Variants in MLLT10 observed in about 807,000 individuals in gnomAD.
MLLT10 encodes the protein MLLT10 histone lysine methyltransferase DOT1L cofactor, also known as protein AF-10.
In MLLT10, 30 loss-of-function variants were observed where a neutral mutation model predicts 129.1. That is an observed-to-expected ratio of 0.23 (90% CI 0.17 to 0.32). MLLT10 has a LOEUF of 0.32. Ranked by LOEUF, MLLT10 falls within the 10% of genes least tolerant of loss-of-function variation. The pLI is 1.00. For synonymous variants in MLLT10, 490 were observed against 446.4 expected (o/e 1.10, Z -1.23); for missense variants, 1,119 against 1,268.3 (o/e 0.88, Z 1.79).
intron 8 of MLLT10, among the ~76,000 whole-genome samples, chr10:21,639,984 G>A (rs2047827129): frequency 6.6e-6 from 1 of 151,596 alleles, no homozygotes; most frequent in South Asian, 2.1e-4. Flanking sequence ...TTATAACAAA[G>A]GACTGTCATT....
intron 22 of MLLT10, 148 bp from the exon 23 acceptor site, chr10:21,741,791 A>G (rs1833681254): frequency 7.3e-6 from 5 of 688,136 alleles, no homozygotes; most frequent in Middle Eastern, 3.8e-4. Context: ...TCATGTCTAT[A>G]TATTACGTTG....
intron 5 of MLLT10, among the ~76,000 whole-genome samples, chr10:21,596,858 G>A (rs1263924588): frequency 1.3e-5 from 2 of 151,902 alleles, no homozygotes; most frequent in East Asian, 1.9e-4. Flanking sequence ...TTAACATTTG[G>A]TTTTTAATTT....
chr10:21,699,614 C>G (rs905308693), intron 13 of MLLT10, among the ~76,000 whole-genome samples: 1 of 151,892 alleles, frequency 6.6e-6, no homozygotes, highest in African/African-American at 2.4e-5. Flanking sequence ...TTTCCCAGCA[C>G]CATTTTTTGA....
chr10:21,711,933 C>T lies in MLLT10; in HGVS notation c.1700-1839C>T, dbSNP rs114165670. On this transcript the variant is annotated intron_variant, in intron 13 of 22. Transcript: ENST00000307729. Reference sequence around the variant, plus strand: ...AACTGTTTGTAATGCCTTTTTTCTACGCAACTTCTTGAAGGCAAAGACTAC... The same window carrying T: ...AACTGTTTGTAATGCCTTTTTTCTATGCAACTTCTTGAAGGCAAAGACTAC... Among the ~76,000 whole-genome samples, 1,368 of 152,204 alleles carry T rather than the reference C, an allele frequency of 9.0e-3. 18 individuals carry two copies. Among genetic ancestry groups the T allele is most frequent in the African/African-American group, 0.031 (1,306 of 41,516 alleles).
At chr10:21,733,667 T>C in intron 19 of MLLT10, 75 bp downstream of exon 19, 1 of 1,472,324 alleles carries the variant, frequency 6.8e-7, no homozygotes, top group Non-Finnish European at 9.0e-7. Flanking sequence ...TTTAAAATTA[T>C]TTTAAACAGT....
At chr10:21,626,289 G>T in intron 8 of MLLT10, 1 of 1,325,134 alleles carries the variant, frequency 7.5e-7, no homozygotes, top group Non-Finnish European at 1.1e-6. Flanking sequence ...ATCAATCCAG[G>T]GCAGAGCAGG....
chr10:21,570,212 TTGTGTGTG>T (rs528760884), intron 3 of MLLT10, among the ~76,000 whole-genome samples: 231 of 147,938 alleles, frequency 1.6e-3, no homozygotes, highest in Middle Eastern at 3.5e-3. Flanking sequence ...CCAGGCCAAT[TTGTGTGTG>T]TGTGTGTGTG....
chr10:21,619,314 G>A (rs1006206626), intron 8 of MLLT10, among the ~76,000 whole-genome samples: 6 of 152,126 alleles, frequency 3.9e-5, no homozygotes, highest in Admixed American at 2.6e-4. Flanking sequence ...GAAGAGGGAA[G>A]CCTCACTATT....
intron 5 of MLLT10, among the ~76,000 whole-genome samples, chr10:21,599,391 G>A (rs2043307079): frequency 6.6e-6 from 1 of 152,034 alleles, no homozygotes; most frequent in Admixed American, 6.6e-5. Context: ...GATTCATTAT[G>A]TGAATATACA....
intron 13 of MLLT10, among the ~76,000 whole-genome samples, chr10:21,711,941 C>T (rs946138487): frequency 6.6e-5 from 10 of 152,188 alleles, no homozygotes; most frequent in African/African-American, 2.4e-4. Flanking sequence ...TACGCAACTT[C>T]TTGAAGGCAA....
At chr10:21,675,517 G>A (rs976096365) in intron 11 of MLLT10, among the ~76,000 whole-genome samples, 9 of 152,204 alleles carry the variant, frequency 5.9e-5, no homozygotes, top group Non-Finnish European at 1.0e-4. Context: ...ATTGTAGTGA[G>A]AAAGAAGTTC....
At chr10:21,732,493 G>A in intron 17 of MLLT10, among the ~76,000 whole-genome samples, 1 of 152,152 alleles carries the variant, frequency 6.6e-6, no homozygotes, top group East Asian at 1.9e-4. Flanking sequence ...TTTGGTAGAG[G>A]GTATTGGTGC....
At chr10:21,651,531 A>G in intron 8 of MLLT10, 142 bp from the exon 9 acceptor site, 1 of 589,504 alleles carries the variant, frequency 1.7e-6, no homozygotes, top group Non-Finnish European at 3.0e-6. Flanking sequence ...ACTTGTTTAT[A>G]AAACAACACA....
intron 3 of MLLT10, chr10:21,557,219 T>A: frequency 8.5e-7 from 1 of 1,179,864 alleles, no homozygotes; most frequent in Non-Finnish European, 1.1e-6. Flanking sequence ...CCCCTTGTGC[T>A]TAATGATTGA....
At chr10:21,557,055 C>G (rs1053311844) in intron 3 of MLLT10, 1 of 1,419,054 alleles carries the variant, frequency 7.0e-7, no homozygotes, top group Admixed American at 3.1e-5. Context: ...TGATTTTTTC[C>G]CACTCAACTC....
Position 21,738,602 on chromosome 10 carries a change from ACT to A in MLLT10, c.2956-1425_2956-1424del, listed in dbSNP as rs957872178. ...AGCCTCCGCACAGCTTCCGCTCGAC[ACT>A]CTTGCTTGACTCTGCTTCCCCCAGA... On this transcript the variant is annotated intron_variant, in intron 21 of 22. Transcript: ENST00000307729. 2.3e-5 allele frequency: 28 copies of A among 1,197,140 alleles called. No individual in the cohort carries two copies. In the East Asian group the frequency reaches 1.5e-3, roughly 65 times the overall value. 74.2% of individuals were successfully genotyped at this position (1,197,140 alleles called of 1,614,324 possible). A position where few individuals can be genotyped will look rare whatever the true frequency, so the allele number is the denominator to read the frequency against.
chr10:21,643,572 A>G (rs2048217020), intron 8 of MLLT10, among the ~76,000 whole-genome samples: 1 of 152,144 alleles, frequency 6.6e-6, no homozygotes, highest in Non-Finnish European at 1.5e-5. Flanking sequence ...TTCTTTCATA[A>G]TGGAGAACAT....
At chr10:21,633,208 ATTAG>A (rs758337546) in intron 8 of MLLT10, among the ~76,000 whole-genome samples, 2 of 152,244 alleles carry the variant, frequency 1.3e-5, no homozygotes, top group African/African-American at 4.8e-5. Flanking sequence ...TTAAAACTAA[ATTAG>A]TTAGTACATG....
At chr10:21,722,717 G>T (rs1374552624) in intron 14 of MLLT10, among the ~76,000 whole-genome samples, 3 of 152,088 alleles carry the variant, frequency 2.0e-5, no homozygotes, top group African/African-American at 7.2e-5. Flanking sequence ...CCACTAAAAG[G>T]TGGGGGTTTC....
Sources: gnomAD v4.1 joint callset for allele counts (sites outside exome capture counted in the v4.1 genomes callset) on GRCh38, gnomAD v4.1.1 for gene constraint, MANE v1.5 for transcripts, NCBI Gene and HGNC (gene_info 2026-07-23, HGNC 2026-07-21) for gene names.